NDUFAF2: variants seen among roughly 807,000 people sequenced by gnomAD.
NDUFAF2 encodes the protein NADH dehydrogenase [ubiquinone] 1 alpha subcomplex assembly factor 2.
Under a neutral mutation model 22.8 loss-of-function variants are expected in NDUFAF2, and 13 were observed. The ratio of observed to expected loss-of-function variants is 0.57; its 90% CI spans 0.37 to 0.91. The LOEUF is 0.91. NDUFAF2 is among the 40% of genes least tolerant of loss of function. The pLI is 0.01. For synonymous variants in NDUFAF2, 53 were observed against 64.2 expected, an observed-to-expected ratio of 0.83 and a Z score of 0.84; for missense variants, 162 against 195.2, an observed-to-expected ratio of 0.83 and a Z score of 1.01.
At chr5:61,078,405 G>C (rs377631700) in intron 2 of NDUFAF2, among the ~76,000 whole-genome samples, 72 of 152,230 alleles carry the variant, frequency 4.7e-4, no homozygotes, top group African/African-American at 1.7e-3. Context: ...GTTTTAAGAA[G>C]AAAGACATGG....
At chr5:61,134,195 T>A (rs919122048) in intron 3 of NDUFAF2, among the ~76,000 whole-genome samples, 1 of 152,172 alleles carries the variant, frequency 6.6e-6, no homozygotes, top group Non-Finnish European at 1.5e-5. Flanking sequence ...ACCTTTTATG[T>A]AAGGGTGGAG....
rs143872074 is a variant in NDUFAF2, at chr5:61,118,072, A to G, written c.258+19040A>G. Among the ~76,000 whole-genome samples the G allele has an allele frequency of 9.9e-4, 150 of 152,272 alleles. 2 individuals are homozygous for G. The East Asian group carries it at 0.026, about 26-fold the overall frequency. On this transcript the variant is annotated intron_variant, in intron 3 of 3. Transcript: ENST00000296597. ...CTATATGGAGTCCTTCCTAAAAACT[A>G]TCTACCTGAGAACTCTTTCTGGTCT...
intron 3 of NDUFAF2, among the ~76,000 whole-genome samples, chr5:61,127,155 A>G (rs1445414230): frequency 6.6e-6 from 1 of 152,138 alleles, no homozygotes; most frequent in African/African-American, 2.4e-5. Flanking sequence ...TAGCTTACCG[A>G]CCAAAAACAG....
chr5:61,062,872 T>A (rs1752182715), intron 1 of NDUFAF2, among the ~76,000 whole-genome samples: 1 of 152,126 alleles, frequency 6.6e-6, no homozygotes, highest in Admixed American at 6.6e-5. Flanking sequence ...GCAGAAACCT[T>A]GCAGGCCAAG....
intron 3 of NDUFAF2, among the ~76,000 whole-genome samples, chr5:61,120,150 C>A (rs1389446918): frequency 2.0e-5 from 3 of 152,084 alleles, no homozygotes; most frequent in Non-Finnish European, 2.9e-5. Context: ...ATGGAGACCG[C>A]TTTTCTCTAT....
At chr5:61,089,623 T>C (rs1452215519) in intron 2 of NDUFAF2, among the ~76,000 whole-genome samples, 1 of 152,112 alleles carries the variant, frequency 6.6e-6, no homozygotes, top group Non-Finnish European at 1.5e-5. Context: ...TATTGTACAA[T>C]TATAAATATA....
At chr5:61,006,407 A>G (rs1397621104) in intron 1 of NDUFAF2, among the ~76,000 whole-genome samples, 1 of 152,148 alleles carries the variant, frequency 6.6e-6, no homozygotes, top group East Asian at 1.9e-4. Flanking sequence ...TTGGCTTAGG[A>G]TTGACTTGGC....
intron 3 of NDUFAF2, among the ~76,000 whole-genome samples, chr5:61,100,032 A>T (rs1489367723): frequency 1.3e-5 from 2 of 152,120 alleles, no homozygotes; most frequent in African/African-American, 4.8e-5. Flanking sequence ...CTCTTGACCC[A>T]TTTCTAGCTT....
intron 3 of NDUFAF2, among the ~76,000 whole-genome samples, chr5:61,118,799 A>G (rs971495360): frequency 6.6e-6 from 1 of 152,200 alleles, no homozygotes; most frequent in Non-Finnish European, 1.5e-5. Context: ...ACTATTATTT[A>G]TGGATATATA....
intron 3 of NDUFAF2, among the ~76,000 whole-genome samples, chr5:61,132,039 T>C (rs560682286): frequency 6.0e-4 from 91 of 152,326 alleles, no homozygotes; most frequent in African/African-American, 2.1e-3. Flanking sequence ...CCACACTATT[T>C]CAAGTTTCTT....
chr5:61,015,838 G>T (rs1751499773), intron 1 of NDUFAF2, among the ~76,000 whole-genome samples: 1 of 152,106 alleles, frequency 6.6e-6, no homozygotes, highest in East Asian at 1.9e-4. Flanking sequence ...TCTTATGGTG[G>T]TGATTATGGA....
chr5:61,150,476 A>G (rs1056450679), intron 3 of NDUFAF2, among the ~76,000 whole-genome samples: 1 of 152,230 alleles, frequency 6.6e-6, no homozygotes, highest in Non-Finnish European at 1.5e-5. Context: ...AATAGCTATT[A>G]TAAGAAAGTC....
At chr5:61,071,440 C>G (rs563753136) in intron 1 of NDUFAF2, among the ~76,000 whole-genome samples, 63 of 152,254 alleles carry the variant, frequency 4.1e-4, no homozygotes, top group African/African-American at 1.5e-3. Flanking sequence ...GAAATAAAAC[C>G]AGCCATTCAG....
At chr5:61,062,991 C>T (rs1752184877) in intron 1 of NDUFAF2, among the ~76,000 whole-genome samples, 2 of 152,074 alleles carry the variant, frequency 1.3e-5, no homozygotes, top group African/African-American at 2.4e-5. Flanking sequence ...AACAGTCTTT[C>T]ACAGAGAAGC....
Position 61,136,036 on chromosome 5 carries a change from TATATATCTAG to T in NDUFAF2, c.259-16667_259-16658del, listed in dbSNP as rs1369827379. ...ATATATATATATATATATATATATATATATATCTAGGGTGGATTGCTTTTTTTCTCACCAG... is the reference window on the plus strand; with the variant it reads ...ATATATATATATATATATATATATATGGTGGATTGCTTTTTTTCTCACCAG... On this transcript the variant is annotated intron_variant, in intron 3 of 3. Transcript: ENST00000296597. Among the ~76,000 whole-genome samples the T allele has an allele frequency of 1.6e-3, 159 of 101,430 alleles. 1 individual carries two copies. Among genetic ancestry groups the T allele is most frequent in the Admixed American group, 3.0e-3 (29 of 9,672 alleles). 66.5% of individuals were successfully genotyped at this position (101,430 alleles called of 152,430 possible).
intron 1 of NDUFAF2, among the ~76,000 whole-genome samples, chr5:61,064,586 A>G (rs1275919786): frequency 1.3e-5 from 2 of 152,082 alleles, no homozygotes; most frequent in South Asian, 2.1e-4. Flanking sequence ...GGAACCTTGG[A>G]AAATTAACAA....
chr5:61,044,724 A>G (rs1036683689), intron 1 of NDUFAF2, among the ~76,000 whole-genome samples: 1 of 152,026 alleles, frequency 6.6e-6, no homozygotes, highest in Non-Finnish European at 1.5e-5. Context: ...TTTGATTACT[A>G]TAGCTTTGTA....
chr5:61,136,494 G>A (rs1343816716), intron 3 of NDUFAF2, among the ~76,000 whole-genome samples: 2 of 152,096 alleles, frequency 1.3e-5, no homozygotes, highest in Non-Finnish European at 2.9e-5. Flanking sequence ...TAAGTCCGTT[G>A]AATATGTCTC....
chr5:61,086,793 G>C (rs1752510118), intron 2 of NDUFAF2, among the ~76,000 whole-genome samples: 1 of 152,048 alleles, frequency 6.6e-6, no homozygotes, highest in South Asian at 2.1e-4. Flanking sequence ...AAATTTTACA[G>C]ATTCTTATTT....
Sources: allele counts gnomAD v4.1 joint callset (sites outside exome capture counted in the v4.1 genomes callset), GRCh38; gene constraint gnomAD v4.1.1; transcripts MANE v1.5; gene names NCBI Gene and HGNC (gene_info 2026-07-23, HGNC 2026-07-21).